Variants in MAGI2 observed in about 807,000 individuals in gnomAD.
MAGI2 encodes the protein membrane-associated guanylate kinase, WW and PDZ domain-containing protein 2.
In MAGI2, 35 loss-of-function variants were observed where a neutral mutation model predicts 133.3. The observed-to-expected ratio is 0.26, with a 90% CI of 0.20 to 0.35. The LOEUF (loss-of-function observed/expected upper bound fraction) is 0.35. Ranked by LOEUF, MAGI2 falls within the 10% of genes least tolerant of loss-of-function variation. The pLI is 1.00. For missense variants in MAGI2, 1,636 were observed against 1,863.4 expected, an observed-to-expected ratio of 0.88 and a Z score of 2.25; for synonymous variants, 729 against 710.6, an observed-to-expected ratio of 1.03 and a Z score of -0.41.
intron 20 of MAGI2, among the ~76,000 whole-genome samples, chr7:78,110,991 T>G (rs1819302961): frequency 6.6e-6 from 1 of 152,204 alleles, no homozygotes; most frequent in Non-Finnish European, 1.5e-5. Context: ...ATATCCATTT[T>G]CTGATGAAAA....
At chr7:78,724,976 GA>G (rs1283264711) in intron 2 of MAGI2, among the ~76,000 whole-genome samples, 5 of 151,852 alleles carry the variant, frequency 3.3e-5, no homozygotes, top group Non-Finnish European at 4.4e-5. Context: ...AAATGTTAAA[GA>G]AAAAAATAGA....
chr7:78,647,134 A>G (rs1810978874), intron 2 of MAGI2, among the ~76,000 whole-genome samples: 1 of 152,234 alleles, frequency 6.6e-6, no homozygotes, highest in African/African-American at 2.4e-5. Flanking sequence ...AACAAAAGCC[A>G]AAATAGACAA....
At chr7:79,368,674 C>G (rs1204781262) in intron 1 of MAGI2, among the ~76,000 whole-genome samples, 1 of 151,258 alleles carries the variant, frequency 6.6e-6, no homozygotes, top group African/African-American at 2.4e-5. Flanking sequence ...CGGTGAAACC[C>G]CGTCTCTACT....
In MAGI2 at chr7:78,070,432, A is replaced by G. The variant is rs373383909; in HGVS notation, c.3706+8515T>C. Among the ~76,000 whole-genome samples the G allele has an allele frequency of 6.8e-4, 101 of 147,774 alleles. 2 individuals are homozygous for G. The East Asian group carries it at 0.015, about 22-fold the overall frequency. On this transcript the variant is annotated intron_variant, in intron 21 of 21. Coordinates refer to ENST00000354212, the MANE Select transcript of MAGI2 (RefSeq NM_012301.4). Reference sequence around the variant, plus strand: ...TGTGTGTGTGTATATATATATGTGTATATATATATGTGTATATATATGTGT... The same window carrying G: ...TGTGTGTGTGTATATATATATGTGTGTATATATATGTGTATATATATGTGT...
intron 1 of MAGI2, among the ~76,000 whole-genome samples, chr7:79,182,966 T>C (rs1826750681): frequency 6.6e-6 from 1 of 151,908 alleles, no homozygotes; most frequent in African/African-American, 2.4e-5. Context: ...TTGCATTTTC[T>C]CATTCCCATA....
intron 5 of MAGI2, among the ~76,000 whole-genome samples, chr7:78,490,597 A>G (rs1271193800): frequency 6.6e-6 from 1 of 152,114 alleles, no homozygotes; most frequent in Non-Finnish European, 1.5e-5. Context: ...CTGCATTAGA[A>G]TTACCTGGTG....
At chr7:78,839,655 CATCAG>C (rs1200375051) in intron 2 of MAGI2, among the ~76,000 whole-genome samples, 5 of 151,994 alleles carry the variant, frequency 3.3e-5, no homozygotes, top group Non-Finnish European at 7.4e-5. Context: ...CTTCCAAAAC[CATCAG>C]ATCTCGTGAG....
intron 1 of MAGI2, among the ~76,000 whole-genome samples, chr7:79,339,977 T>C (rs570094412): frequency 1.3e-5 from 2 of 152,264 alleles, no homozygotes; most frequent in East Asian, 3.9e-4. Flanking sequence ...ACATATATCC[T>C]GAGTATGTAG....
At chr7:78,101,551 T>G (rs1382853527) in intron 20 of MAGI2, among the ~76,000 whole-genome samples, 2 of 151,874 alleles carry the variant, frequency 1.3e-5, no homozygotes, top group Non-Finnish European at 2.9e-5. Context: ...ATAAATCAAC[T>G]CAAAATGGAT....
chr7:79,256,205 C>T (rs1352587502), intron 1 of MAGI2, among the ~76,000 whole-genome samples: 2 of 152,148 alleles, frequency 1.3e-5, no homozygotes, highest in Admixed American at 1.3e-4. Context: ...AGATAACTAC[C>T]TTTGACACAA....
At chr7:78,234,503 A>G (rs1010827850) in intron 10 of MAGI2, among the ~76,000 whole-genome samples, 3 of 152,124 alleles carry the variant, frequency 2.0e-5, no homozygotes, top group Admixed American at 6.6e-5. Context: ...TGGTATAATA[A>G]CTGCAATTAT....
intron 1 of MAGI2, among the ~76,000 whole-genome samples, chr7:79,011,427 A>T (rs2116578390): frequency 6.6e-6 from 1 of 152,262 alleles, no homozygotes; most frequent in East Asian, 1.9e-4. Flanking sequence ...GAAACATGCT[A>T]GGGTCTATAA....
At chr7:78,226,288 C>CA (rs1789372722) in intron 10 of MAGI2, among the ~76,000 whole-genome samples, 1 of 145,768 alleles carries the variant, frequency 6.9e-6, no homozygotes, top group African/African-American at 2.6e-5. Flanking sequence ...AACTGAATGT[C>CA]AGAGAGTGAC....
At chr7:78,662,714 A>G (rs1239913413) in intron 2 of MAGI2, among the ~76,000 whole-genome samples, 1 of 152,236 alleles carries the variant, frequency 6.6e-6, no homozygotes, top group African/African-American at 2.4e-5. Flanking sequence ...AAATAAAATT[A>G]TATGTTAGTA....
At position 78,019,023 on chromosome 7, in the gene MAGI2, T is replaced by A; in HGVS notation, c.*292A>T. 1 of 402,410 alleles carries A rather than the reference T, an allele frequency of 2.5e-6. No homozygotes were observed. The allele number at this position is 402,410 out of a possible 1,614,324, so 24.9% of individuals were successfully genotyped here. On this transcript the variant is annotated 3_prime_UTR_variant, in exon 22 of 22. Coordinates refer to ENST00000354212, the MANE Select transcript of MAGI2 (RefSeq NM_012301.4). ...GGAGGAATATTTTTTTTTCTTAAAC[T>A]AAAGCTACACTGCACTGTCTCTCTG...
At chr7:78,023,085 T>C (rs897709178) in intron 21 of MAGI2, among the ~76,000 whole-genome samples, 1 of 152,194 alleles carries the variant, frequency 6.6e-6, no homozygotes, top group African/African-American at 2.4e-5. Context: ...ATATGGTGTC[T>C]GTCCAGGCAC....
intron 2 of MAGI2, among the ~76,000 whole-genome samples, chr7:78,783,497 A>G (rs1013068797): frequency 4.6e-5 from 7 of 152,180 alleles, no homozygotes; most frequent in African/African-American, 1.4e-4. Context: ...GTCTCTTGAT[A>G]GCCTATTCAT....
intron 2 of MAGI2, among the ~76,000 whole-genome samples, chr7:78,795,968 C>T (rs888717863): frequency 2.6e-5 from 4 of 152,016 alleles, no homozygotes; most frequent in Non-Finnish European, 5.9e-5. Flanking sequence ...TCTTTCACCA[C>T]GTACAAAAAT....
chr7:78,961,575 G>A (rs1003034973), intron 2 of MAGI2, among the ~76,000 whole-genome samples: 2 of 152,108 alleles, frequency 1.3e-5, no homozygotes, highest in African/African-American at 4.8e-5. Context: ...CACATAGACA[G>A]CTTGCTGTTT....
Sources: gnomAD v4.1 joint callset for allele counts (sites outside exome capture counted in the v4.1 genomes callset) on GRCh38, gnomAD v4.1.1 for gene constraint, MANE v1.5 for transcripts, NCBI Gene and HGNC (gene_info 2026-07-23, HGNC 2026-07-21) for gene names.